TLE4: variants seen among roughly 807,000 people sequenced by gnomAD.
TLE4 encodes TLE family member 4, transcriptional corepressor, also known as transducin-like enhancer protein 4.
In TLE4, 8 loss-of-function variants were observed where a neutral mutation model predicts 92.8. That is an observed-to-expected ratio of 0.09 (90% CI 0.05 to 0.16). The LOEUF is 0.16. Among genes scored for constraint, TLE4 ranks in the 10% least tolerant of loss-of-function variants. TLE4 has a pLI of 1.00. For synonymous variants in TLE4, 371 were observed against 374.1 expected, an observed-to-expected ratio of 0.99 and a Z score of 0.10; for missense variants, 675 against 997.6, an observed-to-expected ratio of 0.68 and a Z score of 4.36.
rs1376457666 is a variant in TLE4, at chr9:79,574,900, C to T, written c.171C>T (p.Ala57=). The T allele has an allele frequency of 6.2e-7, 1 of 1,613,468 alleles. No homozygotes were observed. Among genetic ancestry groups the T allele is most frequent in the Non-Finnish European group, 8.5e-7 (1 of 1,179,624 alleles). The change falls in exon 3 of 20, where the codon GCC becomes GCT. Residue 57 remains alanine (A), a synonymous_variant. Transcript: ENST00000376552. ...TGAAGCTGGAATGTGAGAAACTCGC[C>T]AGTGAGAAGACAGAGATGCAGCGGC... The part of the protein sequence containing the change: ...HSLKLECEKL[A]SEKTEMQRHY...
chr9:79,580,762 G>A (rs1234064552), intron 4 of TLE4, among the ~76,000 whole-genome samples: 1 of 151,372 alleles, frequency 6.6e-6, no homozygotes. Flanking sequence ...GTATAATAAT[G>A]AGAGTGAACT....
At chr9:79,663,993 C>T (rs544038533) in intron 8 of TLE4, among the ~76,000 whole-genome samples, 32 of 152,292 alleles carry the variant, frequency 2.1e-4, no homozygotes, top group African/African-American at 7.2e-4. Context: ...GCCCTAGCAA[C>T]GGGCCACGGG....
intron 8 of TLE4, among the ~76,000 whole-genome samples, chr9:79,654,589 T>C (rs186358983): frequency 5.1e-4 from 78 of 152,240 alleles, no homozygotes; most frequent in East Asian, 3.3e-3. Flanking sequence ...CATTTTGGTA[T>C]CTGGTATAAC....
intron 6 of TLE4, among the ~76,000 whole-genome samples, chr9:79,645,694 G>C (rs1444862152): frequency 6.6e-6 from 1 of 152,134 alleles, no homozygotes; most frequent in Non-Finnish European, 1.5e-5. Context: ...CTTCATGGCT[G>C]TGTATTTTCA....
At chr9:79,711,966 A>G (rs952510703) in intron 14 of TLE4, among the ~76,000 whole-genome samples, 3 of 152,120 alleles carry the variant, frequency 2.0e-5, no homozygotes, top group Admixed American at 1.3e-4. Flanking sequence ...TCCAAGTTTG[A>G]ATTTAGACTC....
At chr9:79,658,960 C>T (rs1044686772) in intron 8 of TLE4, among the ~76,000 whole-genome samples, 1 of 152,180 alleles carries the variant, frequency 6.6e-6, no homozygotes, top group African/African-American at 2.4e-5. Flanking sequence ...GGCTGTAACA[C>T]TTCAGCATAT....
At chr9:79,627,546 A>G (rs2052943601) in intron 6 of TLE4, 98 bp downstream of exon 6, 3 of 1,170,156 alleles carry the variant, frequency 2.6e-6, no homozygotes, top group Admixed American at 2.0e-5. Context: ...GGCAAAAAGC[A>G]ATAGATGACT....
chr9:79,631,206 G>T (rs1405747040), intron 6 of TLE4, among the ~76,000 whole-genome samples: 1 of 152,192 alleles, frequency 6.6e-6, no homozygotes, highest in African/African-American at 2.4e-5. Flanking sequence ...CACTCTCTGT[G>T]TTAAGTGCTT....
intron 16 of TLE4, 98 bp from the exon 17 acceptor site, chr9:79,721,643 T>C (rs2075661681): frequency 1.3e-6 from 2 of 1,534,054 alleles, no homozygotes; most frequent in African/African-American, 2.8e-5. Context: ...AATCTACAAA[T>C]AAGGCCTGCA....
At chr9:79,720,358 T>G (rs2075360997) in intron 16 of TLE4, 65 bp downstream of exon 16, 1 of 1,548,084 alleles carries the variant, frequency 6.5e-7, no homozygotes, top group African/African-American at 1.4e-5. Context: ...TTTGCCAAAG[T>G]GCTGTGTATA....
chr9:79,592,183 C>CTCTTCTTCTTCT (rs57278935), intron 4 of TLE4, among the ~76,000 whole-genome samples: 1,904 of 135,330 alleles, frequency 0.014, 22 homozygotes, highest in South Asian at 0.025. Flanking sequence ...CTTCCTCTTC[C>CTCTTCTTCTTCT]TCTTCTTCTT....
At chr9:79,662,863 A>G (rs1445112567) in intron 8 of TLE4, among the ~76,000 whole-genome samples, 1 of 152,150 alleles carries the variant, frequency 6.6e-6, no homozygotes, top group African/African-American at 2.4e-5. Flanking sequence ...GTGAATCTGA[A>G]TGTAAGCTGT....
At chr9:79,599,330 A>G (rs908845396) in intron 4 of TLE4, among the ~76,000 whole-genome samples, 4 of 152,086 alleles carry the variant, frequency 2.6e-5, no homozygotes, top group Non-Finnish European at 5.9e-5. Flanking sequence ...ATGGTTTTCA[A>G]TCCTGCCTGC....
intron 5 of TLE4, among the ~76,000 whole-genome samples, chr9:79,617,754 G>C (rs887941824): frequency 6.6e-6 from 1 of 151,758 alleles, no homozygotes; most frequent in African/African-American, 2.4e-5. Flanking sequence ...TTTTATATGA[G>C]GATTCGTGAC....
intron 8 of TLE4, among the ~76,000 whole-genome samples, chr9:79,686,954 T>G (rs1365579554): frequency 3.3e-5 from 5 of 152,184 alleles, no homozygotes; most frequent in Non-Finnish European, 7.3e-5. Context: ...ACTGTACATG[T>G]TAAAAGCTTT....
chr9:79,598,096 A>C (rs955700950), intron 4 of TLE4, among the ~76,000 whole-genome samples: 7 of 150,374 alleles, frequency 4.7e-5, no homozygotes, highest in African/African-American at 1.2e-4. Flanking sequence ...AAAAAAAAAA[A>C]AACTTACCCA....
At chr9:79,638,428 ATAGT>A (rs1416003735) in intron 6 of TLE4, among the ~76,000 whole-genome samples, 7 of 152,210 alleles carry the variant, frequency 4.6e-5, no homozygotes, top group Admixed American at 3.9e-4. Context: ...TTTTGACTAA[ATAGT>A]TAGAGCTAAC....
At chr9:79,606,622 T>C (rs2047057035) in intron 4 of TLE4, among the ~76,000 whole-genome samples, 1 of 151,972 alleles carries the variant, frequency 6.6e-6, no homozygotes, top group Non-Finnish European at 1.5e-5. Flanking sequence ...TGAGAACATG[T>C]GGTGTCTGGT....
At chr9:79,704,691 T>C in intron 8 of TLE4, 92 bp from the exon 9 acceptor site, 1 of 1,516,306 alleles carries the variant, frequency 6.6e-7, no homozygotes, top group Non-Finnish European at 8.8e-7. Flanking sequence ...TGCTAAAGAA[T>C]AAAAAGAAAA....
Sources: allele counts gnomAD v4.1 joint callset (sites outside exome capture counted in the v4.1 genomes callset), GRCh38; gene constraint gnomAD v4.1.1; transcripts MANE v1.5; gene names NCBI Gene and HGNC (gene_info 2026-07-23, HGNC 2026-07-21).